Variants in KLHL1 observed in about 807,000 individuals in gnomAD.
KLHL1 encodes the protein kelch like family member 1, also known as kelch-like protein 1.
In KLHL1, 47 loss-of-function variants were observed where a neutral mutation model predicts 77.7. That is an observed-to-expected ratio of 0.60 (90% confidence interval 0.48 to 0.77). The LOEUF (loss-of-function observed/expected upper bound fraction) is 0.77. KLHL1 is among the 30% of genes least tolerant of loss of function. The pLI is 0.00. For missense variants in KLHL1, 925 were observed against 910.8 expected, an observed-to-expected ratio of 1.02 and a Z score of -0.20; for synonymous variants, 360 against 325.2, an observed-to-expected ratio of 1.11 and a Z score of -1.15.
At chr13:70,077,332 T>C (rs1375157238) in intron 1 of KLHL1, among the ~76,000 whole-genome samples, 3 of 151,874 alleles carry the variant, frequency 2.0e-5, no homozygotes, top group Non-Finnish European at 4.4e-5. Flanking sequence ...CTTAAATGTA[T>C]ACTGCTAAAT....
chr13:70,061,567 G>A (rs1209291954), intron 1 of KLHL1, among the ~76,000 whole-genome samples: 2 of 152,066 alleles, frequency 1.3e-5, no homozygotes, highest in African/African-American at 4.8e-5. Flanking sequence ...GTAGCCTTAA[G>A]TCAGATTTTC....
chr13:69,894,216 G>C (rs1409089671), intron 4 of KLHL1: 4 of 153,186 alleles, frequency 2.6e-5, no homozygotes, highest in African/African-American at 9.7e-5. Flanking sequence ...CTTGAGGTCT[G>C]TACAAGAGAG....
At chr13:69,888,052 G>A (rs1881283761) in intron 4 of KLHL1, among the ~76,000 whole-genome samples, 1 of 152,124 alleles carries the variant, frequency 6.6e-6, no homozygotes. Flanking sequence ...CAGTTCTAGA[G>A]ACTGGAAAGT....
At chr13:69,857,262 C>G (rs1329510752) in intron 5 of KLHL1, among the ~76,000 whole-genome samples, 1 of 152,024 alleles carries the variant, frequency 6.6e-6, no homozygotes, top group East Asian at 1.9e-4. Context: ...GTTTACTTCT[C>G]TTCCAAGACA....
At chr13:69,717,001 T>C (rs1484825719) in intron 9 of KLHL1, among the ~76,000 whole-genome samples, 2 of 152,148 alleles carry the variant, frequency 1.3e-5, no homozygotes, top group Admixed American at 6.6e-5. Context: ...TAAACTATTC[T>C]AAAGTCCTCA....
At chr13:69,755,128 C>T (rs1030405960) in intron 7 of KLHL1, among the ~76,000 whole-genome samples, 2 of 152,016 alleles carry the variant, frequency 1.3e-5, no homozygotes, top group African/African-American at 2.4e-5. Flanking sequence ...GGGGTGGATC[C>T]CTCATGGGCT....
intron 5 of KLHL1, among the ~76,000 whole-genome samples, chr13:69,870,561 TC>T (rs1355963102): frequency 2.6e-5 from 4 of 151,934 alleles, no homozygotes; most frequent in African/African-American, 9.7e-5. Flanking sequence ...TTTAAATTGT[TC>T]CAGCCTCAAC....
chr13:69,828,563 G>A (rs1189890054), intron 6 of KLHL1, among the ~76,000 whole-genome samples: 1 of 150,124 alleles, frequency 6.7e-6, no homozygotes, highest in African/African-American at 2.5e-5. Flanking sequence ...CAAATGGGAA[G>A]TACAGGCCAT....
rs150536464 is a variant in KLHL1, at chr13:69,739,160, T to C, written c.1802+1234A>G. ...TCATAGCTAGCTTAACTAAGCTTCATAAGTGAAGGAGAAATAAAATATTTT... is the reference window on the plus strand; with the variant it reads ...TCATAGCTAGCTTAACTAAGCTTCACAAGTGAAGGAGAAATAAAATATTTT... On this transcript the variant is annotated intron_variant, in intron 8 of 10. Coordinates refer to ENST00000377844, the MANE Select transcript of KLHL1 (RefSeq NM_020866.3). Among the ~76,000 whole-genome samples the C allele has an allele frequency of 4.9e-3, 750 of 152,244 alleles. 3 individuals are homozygous for C. The highest frequency in any genetic ancestry group is 0.018 in the African/African-American group (733 of 41,548).
At chr13:69,915,198 C>T (rs539057120) in intron 4 of KLHL1, among the ~76,000 whole-genome samples, 2 of 152,266 alleles carry the variant, frequency 1.3e-5, no homozygotes, top group East Asian at 3.9e-4. Context: ...ATGCCATCCC[C>T]ATCAAGCTAC....
chr13:70,010,150 AC>A (rs1380334764), intron 1 of KLHL1, among the ~76,000 whole-genome samples: 1 of 152,202 alleles, frequency 6.6e-6, no homozygotes, highest in African/African-American at 2.4e-5. Context: ...ATGGCAGGAA[AC>A]TTTTTTCTGT....
At chr13:69,890,339 T>G (rs1174858086) in intron 4 of KLHL1, among the ~76,000 whole-genome samples, 1 of 152,044 alleles carries the variant, frequency 6.6e-6, no homozygotes, top group African/African-American at 2.4e-5. Context: ...GAATATCAAA[T>G]AGGAATTACC....
intron 1 of KLHL1, among the ~76,000 whole-genome samples, chr13:70,069,752 T>A (rs1566549343): frequency 6.6e-6 from 1 of 152,146 alleles, no homozygotes. Flanking sequence ...CCTGAAGATA[T>A]GTCGATTTAA....
At chr13:69,943,205 A>T (rs1309048988) in intron 3 of KLHL1, among the ~76,000 whole-genome samples, 1 of 148,994 alleles carries the variant, frequency 6.7e-6, no homozygotes, top group Admixed American at 6.6e-5. Flanking sequence ...TGAGTGTCAT[A>T]CAATGTTTTA....
At chr13:69,928,340 AC>A (rs1368183113) in intron 4 of KLHL1, among the ~76,000 whole-genome samples, 1 of 152,182 alleles carries the variant, frequency 6.6e-6, no homozygotes, top group Non-Finnish European at 1.5e-5. Context: ...CGATTCCCTA[AC>A]TTTTCAGGGA....
chr13:70,023,977 G>A (rs932962804), intron 1 of KLHL1, among the ~76,000 whole-genome samples: 2 of 151,628 alleles, frequency 1.3e-5, no homozygotes, highest in Non-Finnish European at 2.9e-5. Flanking sequence ...TTAGTAATTA[G>A]CCTCCTCAAG....
intron 9 of KLHL1, among the ~76,000 whole-genome samples, 158 bp downstream of exon 9, chr13:69,719,195 TGTGTGTGTGTGTGTGA>T (rs1308976462): frequency 6.4e-4 from 85 of 132,348 alleles, no homozygotes; most frequent in African/African-American, 8.3e-4. Flanking sequence ...TGTGTGTGTG[TGTGTGTGTGTGTGTGA>T]GAGAGAGAGA....
intron 1 of KLHL1, among the ~76,000 whole-genome samples, chr13:70,067,872 C>G (rs1185722431): frequency 3.3e-5 from 5 of 152,026 alleles, no homozygotes; most frequent in Admixed American, 2.6e-4. Context: ...AAATTTTACC[C>G]AAACATAGAA....
At chr13:69,998,951 AG>A (rs1718881545) in intron 1 of KLHL1, among the ~76,000 whole-genome samples, 1 of 151,936 alleles carries the variant, frequency 6.6e-6, no homozygotes, top group Non-Finnish European at 1.5e-5. Context: ...TGACGTCTCC[AG>A]GTCTTGTATG....
Sources: gnomAD v4.1 joint callset for allele counts (sites outside exome capture counted in the v4.1 genomes callset) on GRCh38, gnomAD v4.1.1 for gene constraint, MANE v1.5 for transcripts, NCBI Gene and HGNC (gene_info 2026-07-23, HGNC 2026-07-21) for gene names.